ZNF429: variants seen among roughly 807,000 people sequenced by gnomAD.
ZNF429 encodes the protein zinc finger protein 429.
A neutral mutation model predicts 56.8 loss-of-function variants in ZNF429; 53 were observed. The observed-to-expected ratio is 0.93, with a 90% CI of 0.75 to 1.17. ZNF429 has a LOEUF of 1.17. ZNF429 is among the 50% of genes most tolerant of loss of function. ZNF429 has a pLI of 0.00. For synonymous variants in ZNF429, 278 were observed against 264.7 expected (o/e 1.05, Z -0.49); for missense variants, 849 against 788.4 (o/e 1.08, Z -0.92).
chr19:21,521,516 T>C (rs2032984054), intron 1 of ZNF429: 1 of 152,200 alleles, frequency 6.6e-6, no homozygotes, highest in African/African-American at 2.4e-5. Flanking sequence ...GCTGTGCATT[T>C]TGGGTGTTTT....
chr19:21,537,777 C>A lies in ZNF429; in HGVS notation c.1724C>A (p.Thr575Asn). 1.2e-6 allele frequency: 2 copies of A among 1,602,718 alleles called. No individual in the cohort carries two copies. Among genetic ancestry groups the A allele is most frequent in the African/African-American group, 1.4e-5 (1 of 71,328 alleles). ...TGTAAACAATGTGACAAAGCTTTTA[C>A]CCACTCCTCAAACCTTAGTAGTCAT... ...YKCKQCDKAF[T>N]HSSNLSSHKK... is the part of the protein sequence containing the mutation. The change falls in exon 4 of 4, where the codon ACC becomes AAC. Residue 575 changes from threonine (T) to asparagine (N), a missense_variant. Transcript: ENST00000358491.
At position 21,538,277 on chromosome 19, in the gene ZNF429, CAAAAAAAA is replaced by C. The variant is rs531427318; in HGVS notation, c.*214_*221del. 3.2e-4 allele frequency among the ~76,000 whole-genome samples: 11 copies of C among 34,390 alleles called. No homozygotes were observed. Among genetic ancestry groups the C allele is most frequent in the African/African-American group, 5.6e-4 (4 of 7,170 alleles). The allele number at this position is 34,390 out of a possible 152,430, so 22.6% of individuals were successfully genotyped here. A position where few individuals can be genotyped will look rare whatever the true frequency, so the allele number is the denominator to read the frequency against. On this transcript the variant is annotated 3_prime_UTR_variant, in exon 4 of 4. Transcript: ENST00000358491. ...TGGGTGACAGAGCCAGACTCCATCTCAAAAAAAAAAAAAAAAAAAAAAGAAAAGAAAAT... is the reference window on the plus strand; with the variant it reads ...TGGGTGACAGAGCCAGACTCCATCTCAAAAAAAAAAAAAAGAAAAGAAAAT...
intron 1 of ZNF429, among the ~76,000 whole-genome samples, chr19:21,524,275 A>G (rs898629212): frequency 6.6e-6 from 1 of 152,226 alleles, no homozygotes; most frequent in Admixed American, 6.5e-5. Flanking sequence ...CACGCCTATA[A>G]TCCCAGGACT....
In ZNF429 at chr19:21,537,447, C is replaced by T. The variant is rs1319876472; in HGVS notation, c.1394C>T (p.Ser465Phe). 3 of 1,613,696 alleles carry T rather than the reference C, an allele frequency of 1.9e-6. No homozygotes were observed. The South Asian group carries it at 3.3e-5, about 18-fold the overall frequency. Residue 465 changes from serine (S) to phenylalanine (F), a missense_variant, in exon 4 of 4, where the codon TCC becomes TTC. Transcript: ENST00000358491. ...GAATGTGGCAAAGCTTTTAACCGGTCCTCACACCTTACTAGCCATAGGAGA... is the reference window on the plus strand; with the variant it reads ...GAATGTGGCAAAGCTTTTAACCGGTTCTCACACCTTACTAGCCATAGGAGA... ...CNECGKAFNRSSHLTSHRRIH... is the reference protein window; with the variant it reads ...CNECGKAFNRFSHLTSHRRIH...
At chr19:21,534,136 CAA>C in intron 3 of ZNF429, among the ~76,000 whole-genome samples, 1 of 151,064 alleles carries the variant, frequency 6.6e-6, no homozygotes, top group East Asian at 1.9e-4. Context: ...CAATTTTAAA[CAA>C]TATTTCTGTA....
At position 21,529,770 on chromosome 19, in the gene ZNF429, A is replaced by G. The variant is rs1460767574; in HGVS notation, c.116A>G (p.Asn39Ser). 2 of 1,585,566 alleles carry G rather than the reference A, an allele frequency of 1.3e-6. No homozygotes were observed. Among genetic ancestry groups the G allele is most frequent in the East Asian group, 2.3e-5 (1 of 43,742 alleles). ...YRNVMLENYR[N>S]LVFLGIAVSK... ...AATGTGATGTTAGAGAACTACAGAA[A>G]CTTGGTCTTCCTGGGTGAGAATAAC... The change falls in exon 2 of 4, where the codon AAC (asparagine) becomes AGC (serine). Residue 39 changes from asparagine to serine, a missense_variant. Transcript: ENST00000358491.
intron 1 of ZNF429, among the ~76,000 whole-genome samples, chr19:21,526,626 A>G (rs1450242015): frequency 2.0e-5 from 3 of 152,216 alleles, no homozygotes; most frequent in African/African-American, 4.8e-5. Context: ...ACTGTTTACT[A>G]TTGCCACCAG....
chr19:21,522,295 G>A (rs970741307), intron 1 of ZNF429, among the ~76,000 whole-genome samples: 2 of 152,136 alleles, frequency 1.3e-5, no homozygotes, highest in African/African-American at 4.8e-5. Flanking sequence ...GGTAAATTTA[G>A]GATAAACTCT....
intron 1 of ZNF429, among the ~76,000 whole-genome samples, chr19:21,511,229 C>T (rs1328713266): frequency 5.3e-5 from 8 of 151,772 alleles, no homozygotes; most frequent in South Asian, 4.2e-4. Context: ...ACCTCCCTCC[C>T]GGACGGGGCG....
Position 21,537,497 on chromosome 19 carries a change from A to G in ZNF429, c.1444A>G (p.Lys482Glu). Reference protein sequence around the residue: ...RRIHTGEKPYKCEECGKAFKQ... With the variant: ...RRIHTGEKPYECEECGKAFKQ... Reference sequence around the variant, plus strand: ...AATTCATACTGGAGAGAAACCCTACAAATGTGAAGAATGTGGCAAAGCCTT... The same window carrying G: ...AATTCATACTGGAGAGAAACCCTACGAATGTGAAGAATGTGGCAAAGCCTT... The change falls in exon 4 of 4, where the codon AAA becomes GAA. Residue 482 changes from lysine to glutamate, a missense_variant. Transcript: ENST00000358491. 6.2e-7 allele frequency: 1 copy of G among 1,613,928 alleles called. No homozygotes were observed.
At chr19:21,506,308 A>G (rs2032144458) in intron 1 of ZNF429, among the ~76,000 whole-genome samples, 1 of 152,106 alleles carries the variant, frequency 6.6e-6, no homozygotes, top group Non-Finnish European at 1.5e-5. Flanking sequence ...AAATACAAAA[A>G]TTAGCCGGAT....
At position 21,536,889 on chromosome 19, in the gene ZNF429, A is replaced by T; in HGVS notation, c.836A>T (p.His279Leu). The change falls in exon 4 of 4, where the codon CAT (histidine) becomes CTT (leucine). Residue 279 changes from histidine to leucine, a missense_variant. Transcript: ENST00000358491. Reference protein sequence around the residue: ...YSTLTTHKRIHSGEKPYKCDE... With the variant: ...YSTLTTHKRILSGEKPYKCDE... ...ACCCTTACTACCCATAAGAGAATTC[A>T]TTCTGGAGAGAAGCCCTACAAATGT... 6.2e-7 allele frequency: 1 copy of T among 1,612,412 alleles called. No individual in the cohort carries two copies. Among genetic ancestry groups the T allele is most frequent in the Non-Finnish European group, 8.5e-7 (1 of 1,179,170 alleles).
Position 21,538,109 on chromosome 19 carries a change from CAAAAAA to C in ZNF429, c.*46_*51del, listed in dbSNP as rs35018389. The C allele has an allele frequency of 5.1e-5, 23 of 447,084 alleles. No homozygotes were observed. The highest frequency in any genetic ancestry group is 8.5e-5 in the African/African-American group (3 of 35,288). The allele number at this position is 447,084 out of a possible 1,614,324, so 27.7% of individuals were successfully genotyped here. Reference sequence around the variant, plus strand: ...TGAAACCCCGTCTCTACTAAAAATACAAAAAAAAAAAAAAAAAAAATTAGCCAGGCG... The same window carrying C: ...TGAAACCCCGTCTCTACTAAAAATACAAAAAAAAAAAAAATTAGCCAGGCG... On this transcript the variant is annotated 3_prime_UTR_variant, in exon 4 of 4. Transcript: ENST00000358491.
intron 3 of ZNF429, among the ~76,000 whole-genome samples, chr19:21,531,957 A>G: frequency 6.6e-6 from 1 of 152,232 alleles, no homozygotes; most frequent in Non-Finnish European, 1.5e-5. Flanking sequence ...AACATACAAA[A>G]TTAACATACA....
At chr19:21,521,895 A>T (rs2032997173) in intron 1 of ZNF429, 1 of 152,272 alleles carries the variant, frequency 6.6e-6, no homozygotes, top group Non-Finnish European at 1.5e-5. Context: ...CTCCTCATGC[A>T]GCTCAGGCTT....
chr19:21,529,621 CTT>C (rs2033297612), intron 1 of ZNF429, 35 bp from the exon 2 acceptor site: 1 of 1,461,630 alleles, frequency 6.8e-7, no homozygotes, highest in Non-Finnish European at 9.1e-7. Context: ...ATTTCTCTCT[CTT>C]TCTCTCTCCT....
intron 3 of ZNF429, among the ~76,000 whole-genome samples, chr19:21,531,133 A>G: frequency 7.6e-6 from 1 of 132,366 alleles, no homozygotes; most frequent in South Asian, 2.4e-4. Context: ...AAAAAAACCA[A>G]AAAAAAAAAA....
rs1241352436 is a variant in ZNF429, at chr19:21,509,912, A to AT, written c.3+4151dup. On this transcript the variant is annotated intron_variant, in intron 1 of 3. Coordinates refer to ENST00000358491, the MANE Select transcript of ZNF429 (RefSeq NM_001001415.4). ...AAGCCTTTCTTTTCTTTTTTTAATA[A>AT]TTTTTTTTTTTTTGAGATGGAATCT... Among the ~76,000 whole-genome samples, 1,308 of 147,150 alleles carry AT rather than the reference A, an allele frequency of 8.9e-3. 16 individuals carry two copies. The highest frequency in any genetic ancestry group is 0.025 in the African/African-American group (1,010 of 40,450).
At position 21,537,593 on chromosome 19, in the gene ZNF429, T is replaced by A; in HGVS notation, c.1540T>A (p.Cys514Ser). 3 of 1,613,544 alleles carry A rather than the reference T, an allele frequency of 1.9e-6. No homozygotes were observed. The highest frequency in any genetic ancestry group is 2.5e-6 in the Non-Finnish European group (3 of 1,179,896). ...AGAGAAACCCTACAAATGTGAAGAA[T>A]GTGGCAAAGCTTTTATCCTGTCCTC... ...SGEKPYKCEE[C>S]GKAFILSSRL... The change falls in exon 4 of 4, where the codon TGT (cysteine) becomes AGT (serine). Residue 514 changes from cysteine (C) to serine (S), a missense_variant. By Grantham distance (112) the Cys-to-Ser change is moderately radical. Coordinates refer to ENST00000358491, the MANE Select transcript of ZNF429 (RefSeq NM_001001415.4).
Sources: allele counts gnomAD v4.1 joint callset (sites outside exome capture counted in the v4.1 genomes callset), GRCh38; gene constraint gnomAD v4.1.1; transcripts MANE v1.5; gene names NCBI Gene and HGNC (gene_info 2026-07-23, HGNC 2026-07-21).